Variants in ARHGAP10 observed in about 807,000 individuals in gnomAD.
The protein encoded by ARHGAP10 is rho GTPase-activating protein 10.
ARHGAP10 carries 87 observed loss-of-function variants against 108.6 expected under a neutral mutation model. The observed-to-expected ratio is 0.80, with a 90% CI of 0.67 to 0.96. The LOEUF (loss-of-function observed/expected upper bound fraction) is 0.96, where lower values mean the gene tolerates loss of function less well. ARHGAP10 is among the 40% of genes least tolerant of loss of function. ARHGAP10 has a pLI of 0.00. For missense variants in ARHGAP10, 939 were observed against 954.5 expected, an observed-to-expected ratio of 0.98 and a Z score of 0.21; for synonymous variants, 347 against 341.1, an observed-to-expected ratio of 1.02 and a Z score of -0.19.
intron 15 of ARHGAP10, 88 bp from the exon 16 acceptor site, chr4:147,955,228 A>G (rs1295466221): frequency 3.0e-5 from 38 of 1,255,346 alleles, no homozygotes; most frequent in Admixed American, 5.9e-5. Flanking sequence ...TAAGAAATGC[A>G]TAACAAATTT....
intron 19 of ARHGAP10, among the ~76,000 whole-genome samples, chr4:148,030,384 C>T (rs1355366698): frequency 6.6e-6 from 1 of 152,188 alleles, no homozygotes; most frequent in Non-Finnish European, 1.5e-5. Context: ...AACATCTTTT[C>T]AAACCAACCA....
intron 10 of ARHGAP10, among the ~76,000 whole-genome samples, chr4:147,903,553 A>G (rs909857933): frequency 6.6e-6 from 1 of 152,130 alleles, no homozygotes; most frequent in African/African-American, 2.4e-5. Context: ...GAATGTATCC[A>G]TCATTCTAGT....
At chr4:147,975,972 TG>T (rs1355598891) in intron 18 of ARHGAP10, among the ~76,000 whole-genome samples, 2 of 152,348 alleles carry the variant, frequency 1.3e-5, no homozygotes, top group African/African-American at 4.8e-5. Flanking sequence ...GGTTCATTGG[TG>T]TAATTGGATT....
At chr4:147,962,616 A>T (rs1560847602) in intron 16 of ARHGAP10, among the ~76,000 whole-genome samples, 1 of 152,104 alleles carries the variant, frequency 6.6e-6, no homozygotes, top group Non-Finnish European at 1.5e-5. Context: ...CATAAATCAT[A>T]GGGCATCTAT....
intron 18 of ARHGAP10, among the ~76,000 whole-genome samples, chr4:147,989,464 C>T (rs1035260641): frequency 6.6e-6 from 1 of 152,142 alleles, no homozygotes; most frequent in Non-Finnish European, 1.5e-5. Context: ...GTTTATTTCA[C>T]CTCTGCAATC....
intron 18 of ARHGAP10, among the ~76,000 whole-genome samples, chr4:148,009,974 C>G (rs1483482983): frequency 6.6e-6 from 1 of 152,126 alleles, no homozygotes; most frequent in African/African-American, 2.4e-5. Flanking sequence ...TGAATATATA[C>G]CTTGATTCCC....
At chr4:147,868,681 G>A (rs1211595451) in intron 7 of ARHGAP10, among the ~76,000 whole-genome samples, 2 of 152,216 alleles carry the variant, frequency 1.3e-5, no homozygotes, top group Non-Finnish European at 2.9e-5. Flanking sequence ...TGCAGTGGGG[G>A]TGGGAGAAGG....
At chr4:147,984,997 A>T (rs1050848651) in intron 18 of ARHGAP10, among the ~76,000 whole-genome samples, 1 of 152,168 alleles carries the variant, frequency 6.6e-6, no homozygotes, top group African/African-American at 2.4e-5. Context: ...GCTACTAGGC[A>T]CATAGAGATG....
chr4:147,839,020 T>C (rs1733288185), intron 3 of ARHGAP10, among the ~76,000 whole-genome samples: 1 of 152,152 alleles, frequency 6.6e-6, no homozygotes, highest in Non-Finnish European at 1.5e-5. Flanking sequence ...TAAGAACTCT[T>C]ACACGAGGCA....
Position 147,956,275 on chromosome 4 carries a change from C to T in ARHGAP10, c.1450+901C>T, listed in dbSNP as rs192434463. Among the ~76,000 whole-genome samples, 6 of 152,252 alleles carry T rather than the reference C, an allele frequency of 3.9e-5. No individual in the cohort carries two copies. In the East Asian group the frequency reaches 1.2e-3, roughly 29 times the overall value. ...GTTTAATCTGTTGAAAAACTTAGAGCATTCCCTTTGGGACCAATGTTACCG... is the reference window on the plus strand; with the variant it reads ...GTTTAATCTGTTGAAAAACTTAGAGTATTCCCTTTGGGACCAATGTTACCG... On this transcript the variant is annotated intron_variant, in intron 16 of 22. Coordinates refer to ENST00000336498, the MANE Select transcript of ARHGAP10 (RefSeq NM_024605.4).
At chr4:147,966,652 C>G (rs1370010063) in intron 17 of ARHGAP10, 28 bp from the exon 18 acceptor site, 1 of 1,522,380 alleles carries the variant, frequency 6.6e-7, no homozygotes, top group Non-Finnish European at 8.9e-7. Flanking sequence ...TTTGGTTAAA[C>G]AGATTCCTCC....
intron 16 of ARHGAP10, among the ~76,000 whole-genome samples, chr4:147,960,806 G>T (rs573750247): frequency 6.6e-6 from 1 of 152,310 alleles, no homozygotes; most frequent in East Asian, 1.9e-4. Flanking sequence ...GCAGCATTTG[G>T]ACTTTATGTA....
intron 10 of ARHGAP10, among the ~76,000 whole-genome samples, chr4:147,885,430 C>A (rs1735506141): frequency 6.6e-6 from 1 of 152,116 alleles, no homozygotes; most frequent in African/African-American, 2.4e-5. Flanking sequence ...ATGAGAATAG[C>A]ATGGGAAAAA....
chr4:147,779,508 C>T (rs1008893815), intron 1 of ARHGAP10, among the ~76,000 whole-genome samples: 18 of 152,032 alleles, frequency 1.2e-4, no homozygotes, highest in African/African-American at 4.1e-4. Context: ...GTGCAGTGTC[C>T]CCCAGATGGA....
At chr4:147,967,776 AG>A (rs1288529281) in intron 18 of ARHGAP10, among the ~76,000 whole-genome samples, 1 of 152,036 alleles carries the variant, frequency 6.6e-6, no homozygotes, top group East Asian at 1.9e-4. Context: ...TTTTCTGTAA[AG>A]GACCAATCTA....
intron 8 of ARHGAP10, 84 bp downstream of exon 8, chr4:147,875,234 C>A: frequency 1.4e-6 from 2 of 1,387,714 alleles, no homozygotes; most frequent in Non-Finnish European, 1.9e-6. Context: ...ATTACTGTGA[C>A]ATTTTGGGCA....
At chr4:147,835,772 A>C (rs998653091) in intron 3 of ARHGAP10, among the ~76,000 whole-genome samples, 1 of 152,194 alleles carries the variant, frequency 6.6e-6, no homozygotes, top group African/African-American at 2.4e-5. Flanking sequence ...CAGAAACTAA[A>C]ATTTTCTCTT....
chr4:148,071,413 T>A (rs921155633), intron 22 of ARHGAP10, among the ~76,000 whole-genome samples: 3 of 152,170 alleles, frequency 2.0e-5, no homozygotes, highest in Non-Finnish European at 2.9e-5. Context: ...GTCAGGAGTT[T>A]AAGAGCAGGC....
intron 1 of ARHGAP10, among the ~76,000 whole-genome samples, chr4:147,734,984 C>A (rs1367527474): frequency 6.6e-6 from 1 of 152,128 alleles, no homozygotes; most frequent in Non-Finnish European, 1.5e-5. Flanking sequence ...TTGCCCTGCA[C>A]GGTGTCTCCT....
Sources: allele counts gnomAD v4.1 joint callset (sites outside exome capture counted in the v4.1 genomes callset), GRCh38; gene constraint gnomAD v4.1.1; transcripts MANE v1.5; gene names NCBI Gene and HGNC (gene_info 2026-07-23, HGNC 2026-07-21).